The following TRPM1 variants were observed in gnomAD, a reference collection of about 807,000 sequenced individuals.
The protein encoded by TRPM1 is TRPM1-203 APA Isoform, Intron 10.
Under a neutral mutation model 149.4 loss-of-function variants are expected in TRPM1, and 113 were observed. That is an observed-to-expected ratio of 0.76 (90% CI 0.65 to 0.88). The LOEUF (loss-of-function observed/expected upper bound fraction) is 0.88, where lower values mean the gene tolerates loss of function less well. Ranked by LOEUF, TRPM1 falls within the 40% of genes least tolerant of loss-of-function variation. The pLI, the probability that TRPM1 is intolerant of heterozygous loss-of-function variation, is 0.00. For missense variants in TRPM1, 1,976 were observed against 2,038.7 expected, an observed-to-expected ratio of 0.97 and a Z score of 0.59; for synonymous variants, 741 against 759.5, an observed-to-expected ratio of 0.98 and a Z score of 0.40.
At chr15:31,118,151 G>C (rs1320407227) in intron 1 of TRPM1, among the ~76,000 whole-genome samples, 1 of 151,952 alleles carries the variant, frequency 6.6e-6, no homozygotes, top group Non-Finnish European at 1.5e-5. Flanking sequence ...CTCACTACTC[G>C]GGCAGCTGAG....
intron 20 of TRPM1, 143 bp from the exon 21 acceptor site, chr15:31,035,817 G>A: frequency 1.7e-6 from 2 of 1,194,392 alleles, no homozygotes; most frequent in Admixed American, 1.9e-5. Context: ...AACCTTCACT[G>A]CACCTCACCA....
intron 1 of TRPM1, among the ~76,000 whole-genome samples, chr15:31,130,516 A>C (rs2036003369): frequency 6.6e-6 from 1 of 152,246 alleles, no homozygotes; most frequent in Non-Finnish European, 1.5e-5. Flanking sequence ...ATTAGCTACA[A>C]GATTAGAAAT....
At chr15:31,010,467 TTG>T (rs912319885) in intron 27 of TRPM1, among the ~76,000 whole-genome samples, 5 of 152,210 alleles carry the variant, frequency 3.3e-5, no homozygotes, top group African/African-American at 1.2e-4. Flanking sequence ...TTTTGGTATA[TTG>T]TGTTTTCATT....
At position 31,086,366 on chromosome 15, in the gene TRPM1, C is replaced by G. The variant is rs150318727; in HGVS notation, c.-83-4928G>C. Among the ~76,000 whole-genome samples, 216 of 152,364 alleles carry G rather than the reference C, an allele frequency of 1.4e-3. 1 individual carries two copies. Among genetic ancestry groups the G allele is most frequent in the African/African-American group, 5.1e-3 (211 of 41,578 alleles). On this transcript the variant is annotated intron_variant, in intron 1 of 27. Coordinates refer to ENST00000256552, the MANE Select transcript of TRPM1 (RefSeq NM_001252024.2). ...GCTGGTATCAGACTCCACTGCTCCC[C>G]ATTTACAGAGTCACATGGAGATAAG...
chr15:31,047,709 T>C (rs1295717736), intron 14 of TRPM1, among the ~76,000 whole-genome samples, 180 bp downstream of exon 14: 1 of 152,220 alleles, frequency 6.6e-6, no homozygotes, highest in Non-Finnish European at 1.5e-5. Context: ...TGGATGAACA[T>C]GCAACTTAAA....
At chr15:31,054,027 G>A (rs1246123827) in intron 11 of TRPM1, among the ~76,000 whole-genome samples, 1 of 152,204 alleles carries the variant, frequency 6.6e-6, no homozygotes, top group East Asian at 1.9e-4. Flanking sequence ...GGTACTAACA[G>A]TAGTCATATT....
intron 1 of TRPM1, among the ~76,000 whole-genome samples, chr15:31,113,761 C>G (rs763586209): frequency 6.6e-6 from 1 of 152,180 alleles, no homozygotes; most frequent in African/African-American, 2.4e-5. Context: ...CGGACCTTCC[C>G]GGTGAGTGTT....
At chr15:31,026,775 C>CTT in intron 26 of TRPM1, 140 bp downstream of exon 26, 2 of 875,036 alleles carry the variant, frequency 2.3e-6, no homozygotes, top group South Asian at 3.1e-5. Flanking sequence ...AATGAGAAGC[C>CTT]TTTTGAAAAG....
chr15:31,107,695 T>C (rs2035627385), intron 1 of TRPM1, among the ~76,000 whole-genome samples: 1 of 152,110 alleles, frequency 6.6e-6, no homozygotes, highest in African/African-American at 2.4e-5. Flanking sequence ...TTTACAGCTA[T>C]AAATTTCCCT....
intron 1 of TRPM1, among the ~76,000 whole-genome samples, chr15:31,083,036 G>A (rs942932293): frequency 3.9e-5 from 6 of 152,122 alleles, no homozygotes; most frequent in African/African-American, 9.7e-5. Flanking sequence ...AAGGCTGGAC[G>A]GAGACAAGGA....
intron 12 of TRPM1, 67 bp downstream of exon 12, chr15:31,050,342 C>T: frequency 6.2e-7 from 1 of 1,613,048 alleles, no homozygotes; most frequent in Non-Finnish European, 8.5e-7. Context: ...GAAGCAAGGA[C>T]AAGAACCATC....
intron 1 of TRPM1, among the ~76,000 whole-genome samples, chr15:31,087,806 T>C (rs2035044339): frequency 6.6e-6 from 1 of 151,920 alleles, no homozygotes; most frequent in Non-Finnish European, 1.5e-5. Context: ...CCAAGAGCAG[T>C]CAAACTGATA....
intron 27 of TRPM1, among the ~76,000 whole-genome samples, chr15:31,016,595 T>A (rs530286308): frequency 6.6e-6 from 1 of 152,216 alleles, no homozygotes; most frequent in South Asian, 2.1e-4. Flanking sequence ...ACCAAATACA[T>A]GATTTCTTAA....
intron 1 of TRPM1, among the ~76,000 whole-genome samples, chr15:31,082,784 T>C (rs1246027338): frequency 6.6e-6 from 1 of 152,214 alleles, no homozygotes; most frequent in Non-Finnish European, 1.5e-5. Context: ...GTGCACGTTG[T>C]CATGTTATTC....
At chr15:31,127,112 G>A (rs936777261) in intron 1 of TRPM1, among the ~76,000 whole-genome samples, 2 of 152,306 alleles carry the variant, frequency 1.3e-5, no homozygotes, top group Admixed American at 1.3e-4. Context: ...CATGAAGCTG[G>A]TTTGTGAAGG....
intron 27 of TRPM1, among the ~76,000 whole-genome samples, chr15:31,007,652 G>A (rs61997144): frequency 0.15 from 20,839 of 139,526 alleles, 1,700 homozygotes; most frequent in Admixed American, 0.21. Context: ...CAGCAGCGCA[G>A]CAACAACAAC....
chr15:31,040,368 C>A lies in TRPM1; in HGVS notation c.2088-22G>T, dbSNP rs1317570653. 1.2e-6 allele frequency: 2 copies of A among 1,608,466 alleles called. No homozygotes were observed. The highest frequency in any genetic ancestry group is 1.3e-5 in the African/African-American group (1 of 74,814). On this transcript the variant is annotated intron_variant, in intron 17 of 27. Transcript: ENST00000256552. This position sits in a 1 kb window ranked among gnomAD's most constrained non-coding sequence, Gnocchi z 4.2. ...GTCTCTGGGGGGAAAGAGAAGGGAC[C>A]AGGGTGAAGCCACAGTGGCCGCAAG...
chr15:31,154,709 T>A (rs2036345243), intron 1 of TRPM1, among the ~76,000 whole-genome samples: 1 of 152,202 alleles, frequency 6.6e-6, no homozygotes, highest in Non-Finnish European at 1.5e-5. Flanking sequence ...AGCTGGAGGC[T>A]ACAAGATTCT....
At chr15:31,140,495 G>A (rs1367083081) in intron 1 of TRPM1, among the ~76,000 whole-genome samples, 3 of 152,152 alleles carry the variant, frequency 2.0e-5, no homozygotes, top group African/African-American at 4.8e-5. Context: ...CCTTTCCCCC[G>A]CCCCAGTGGT....
Sources: allele counts gnomAD v4.1 joint callset (sites outside exome capture counted in the v4.1 genomes callset), GRCh38; gene constraint gnomAD v4.1.1; non-coding constraint Gnocchi (gnomAD v3.1); transcripts MANE v1.5; gene names NCBI Gene and HGNC (gene_info 2026-07-23, HGNC 2026-07-21).